The following GFOD1 variants were observed in gnomAD, a reference collection of about 807,000 sequenced individuals.
GFOD1 encodes glucose-fructose oxidoreductase domain-containing protein 1.
Under a neutral mutation model 25.4 loss-of-function variants are expected in GFOD1, and 9 were observed. The ratio of observed to expected loss-of-function variants is 0.35; its 90% CI spans 0.21 to 0.62. The LOEUF (loss-of-function observed/expected upper bound fraction) is 0.62. GFOD1 is among the 20% of genes least tolerant of loss of function. The pLI is 0.72. For missense variants in GFOD1, 403 were observed against 556.9 expected (o/e 0.72, Z 2.78); for synonymous variants, 253 against 245.6 (o/e 1.03, Z -0.28).
intron 1 of GFOD1, among the ~76,000 whole-genome samples, chr6:13,383,289 C>T (rs753915851): frequency 1.2e-3 from 178 of 152,308 alleles, no homozygotes; most frequent in Non-Finnish European, 1.2e-4. Flanking sequence ...CCATGGTTCC[C>T]AACCTAAGGC....
chr6:13,486,407 G>C (rs114976037), intron 1 of GFOD1: 11,658 of 603,494 alleles, frequency 0.019, 148 homozygotes, highest in Middle Eastern at 0.05. Context: ...TACACACGTG[G>C]GGAAGCGCGT....
At position 13,364,726 on chromosome 6, in the gene GFOD1, G is replaced by C. The variant is rs1248253997; in HGVS notation, c.*17C>G. 6.3e-7 allele frequency: 1 copy of C among 1,591,586 alleles called. No homozygotes were observed. Among genetic ancestry groups the C allele is most frequent in the African/African-American group, 1.3e-5 (1 of 74,716 alleles). On this transcript the variant is annotated 3_prime_UTR_variant, in exon 2 of 2. Coordinates refer to ENST00000379287, the MANE Select transcript of GFOD1 (RefSeq NM_018988.4). This position sits in a 1 kb window ranked among gnomAD's most constrained non-coding sequence, Gnocchi z 4.1. ...TCCCCTGCAGAAGGCTCAAGTCCCC[G>C]AGGTTCTCAATCTGTGCTAACAGTA...
At chr6:13,374,271 T>TGTGTG (rs1554199401) in intron 1 of GFOD1, among the ~76,000 whole-genome samples, 62 of 134,464 alleles carry the variant, frequency 4.6e-4, no homozygotes, top group East Asian at 3.8e-3. Flanking sequence ...TATGTTTTTT[T>TGTGTG]TTTGTGTGTG....
chr6:13,414,995 G>A (rs1427628233), intron 1 of GFOD1, among the ~76,000 whole-genome samples: 1 of 152,170 alleles, frequency 6.6e-6, no homozygotes, highest in African/African-American at 2.4e-5. Flanking sequence ...TGTAGTATCC[G>A]AGCAGGGAAG....
At chr6:13,380,767 A>G (rs1214887327) in intron 1 of GFOD1, among the ~76,000 whole-genome samples, 1 of 152,206 alleles carries the variant, frequency 6.6e-6, no homozygotes, top group Non-Finnish European at 1.5e-5. Flanking sequence ...TTGCAAGCTG[A>G]TATTTTCATA....
chr6:13,398,806 G>A (rs138327838), intron 1 of GFOD1, among the ~76,000 whole-genome samples: 1 of 152,254 alleles, frequency 6.6e-6, no homozygotes, highest in Non-Finnish European at 1.5e-5. Flanking sequence ...GGCCACCACG[G>A]GGCAGCATCC....
chr6:13,450,994 T>C (rs551499), intron 1 of GFOD1, among the ~76,000 whole-genome samples: 67,711 of 152,060 alleles, frequency 0.45, 17,564 homozygotes, highest in Middle Eastern at 0.63. Flanking sequence ...TTGGTTGTCC[T>C]TGTTAAGGTT....
In GFOD1 at chr6:13,358,376, A is replaced by G. The variant is rs920243436; in HGVS notation, c.*6367T>C. ...AAACACAATAAATATATACTCGACA[A>G]TGACAGCCAAACAAATGCCATTTTG... On this transcript the variant is annotated 3_prime_UTR_variant, in exon 2 of 2. Transcript: ENST00000379287. 5 of 152,122 alleles carry G rather than the reference A, an allele frequency of 3.3e-5. No individual in the cohort carries two copies. Among genetic ancestry groups the G allele is most frequent in the African/African-American group, 1.2e-4 (5 of 41,416 alleles). 9.4% of individuals were successfully genotyped at this position (152,122 alleles called of 1,614,324 possible). A position where few individuals can be genotyped will look rare whatever the true frequency, so the allele number is the denominator to read the frequency against.
chr6:13,404,784 T>C (rs1191996992), intron 1 of GFOD1, among the ~76,000 whole-genome samples: 2 of 152,238 alleles, frequency 1.3e-5, no homozygotes, highest in African/African-American at 4.8e-5. Flanking sequence ...GTTGTCTGCA[T>C]GAGTAATTTT....
rs1219217132 is a variant in GFOD1 at position 13,430,432 on chromosome 6, A to G, written c.253+56206T>C. Among the ~76,000 whole-genome samples the G allele has an allele frequency of 1.3e-5, 2 of 152,126 alleles. No homozygotes were observed. The highest frequency in any genetic ancestry group is 6.5e-5 in the Admixed American group (1 of 15,270). On this transcript the variant is annotated intron_variant, in intron 1 of 1. Transcript: ENST00000379287. This position sits in a 1 kb window ranked among gnomAD's most constrained non-coding sequence, Gnocchi z 4.1. ...AGCCTGGGTGACAGAACGAGACTCC[A>G]CCTCAAAATAAATAAATAAGTAAAT...
chr6:13,404,299 T>G (rs768719401), intron 1 of GFOD1, among the ~76,000 whole-genome samples: 4 of 152,234 alleles, frequency 2.6e-5, no homozygotes, highest in Non-Finnish European at 5.9e-5. Flanking sequence ...AAGTAGTCAT[T>G]TAGTCCAGCC....
In GFOD1 at chr6:13,464,400, C is replaced by A. The variant is rs369620599; in HGVS notation, c.253+22238G>T. 1.9e-4 allele frequency among the ~76,000 whole-genome samples: 29 copies of A among 152,354 alleles called. 1 individual carries two copies. Among genetic ancestry groups the A allele is most frequent in the African/African-American group, 7.0e-4 (29 of 41,578 alleles). On this transcript the variant is annotated intron_variant, in intron 1 of 1. Transcript: ENST00000379287. Reference sequence around the variant, plus strand: ...TTCTATCCTTACCACAGAACGAAGACTTGTTAGAATGTCAACAGTGTCCAG... The same window carrying A: ...TTCTATCCTTACCACAGAACGAAGAATTGTTAGAATGTCAACAGTGTCCAG...
In GFOD1 at chr6:13,486,425, G is replaced by A. The variant is rs113737912; in HGVS notation, c.253+213C>T. On this transcript the variant is annotated intron_variant, in intron 1 of 1. Transcript: ENST00000379287. The stretch of plus-strand genomic sequence containing the variant: ...ACACGTGGGGAAGCGCGTCCAAGTG[G>A]TGCCAGGAGGCAGGAGGGAAGCGCA... 3.3e-4 allele frequency: 200 copies of A among 611,380 alleles called. No homozygotes were observed. In the African/African-American group the frequency reaches 3.4e-3, roughly 10 times the overall value. 37.9% of individuals were successfully genotyped at this position (611,380 alleles called of 1,614,324 possible).
intron 1 of GFOD1, among the ~76,000 whole-genome samples, chr6:13,411,629 C>A (rs758888423): frequency 3.3e-5 from 5 of 152,180 alleles, no homozygotes; most frequent in Non-Finnish European, 7.3e-5. Flanking sequence ...ACCCTGCAGC[C>A]CGGTTTCCTC....
intron 1 of GFOD1, among the ~76,000 whole-genome samples, chr6:13,381,584 G>A (rs1327679966): frequency 6.6e-6 from 1 of 152,192 alleles, no homozygotes; most frequent in Non-Finnish European, 1.5e-5. Flanking sequence ...AACAAGTCTG[G>A]CCTGGGGCTC....
At chr6:13,383,887 C>T (rs1226213179) in intron 1 of GFOD1, among the ~76,000 whole-genome samples, 1 of 152,148 alleles carries the variant, frequency 6.6e-6, no homozygotes, top group Non-Finnish European at 1.5e-5. Context: ...TGTTAATGGG[C>T]CTACATTTAT....
intron 1 of GFOD1, among the ~76,000 whole-genome samples, chr6:13,455,709 C>T (rs1295927811): frequency 2.0e-5 from 3 of 152,338 alleles, no homozygotes; most frequent in Middle Eastern, 3.4e-3. Context: ...GACACCCACA[C>T]AAAGAGCTCT....
intron 1 of GFOD1, among the ~76,000 whole-genome samples, chr6:13,383,761 T>C (rs1239277411): frequency 2.0e-5 from 3 of 152,222 alleles, no homozygotes; most frequent in Non-Finnish European, 4.4e-5. Context: ...TAACATCTAA[T>C]AGGGACTTTC....
Position 13,438,110 on chromosome 6 carries a change from G to C in GFOD1, c.253+48528C>G, listed in dbSNP as rs111390475. ...ATGTTATGTGATGAAGGGTTTAGTA[G>C]GCTACACACAAAGAACTTGGGGAGG... On this transcript the variant is annotated intron_variant, in intron 1 of 1. Transcript: ENST00000379287. 1.9e-3 allele frequency among the ~76,000 whole-genome samples: 282 copies of C among 152,294 alleles called. 1 individual carries two copies. Among genetic ancestry groups the C allele is most frequent in the African/African-American group, 6.5e-3 (271 of 41,552 alleles).
Sources: allele counts gnomAD v4.1 joint callset (sites outside exome capture counted in the v4.1 genomes callset), GRCh38; gene constraint gnomAD v4.1.1; non-coding constraint Gnocchi (gnomAD v3.1); transcripts MANE v1.5; gene names NCBI Gene and HGNC (gene_info 2026-07-23, HGNC 2026-07-21).